Variants in RPTOR observed in about 807,000 individuals in gnomAD.
RPTOR encodes the protein regulatory-associated protein of mTOR.
RPTOR carries 21 observed loss-of-function variants against 169.9 expected under a neutral mutation model. That is an observed-to-expected ratio of 0.12 (90% CI 0.09 to 0.18). RPTOR has a LOEUF of 0.18. Ranked by LOEUF, RPTOR falls within the 10% of genes least tolerant of loss-of-function variation. The pLI is 1.00. For missense variants in RPTOR, 1,133 were observed against 1,855.9 expected (o/e 0.61, Z 7.16); for synonymous variants, 732 against 753.2 (o/e 0.97, Z 0.46).
At chr17:80,740,706 T>C (rs2066474714) in intron 5 of RPTOR, among the ~76,000 whole-genome samples, 1 of 152,028 alleles carries the variant, frequency 6.6e-6, no homozygotes, top group Non-Finnish European at 1.5e-5. Context: ...AACTCTTTCA[T>C]GCGAGAGAAA....
chr17:80,964,262 C>G lies in RPTOR; in HGVS notation c.3940C>G (p.Pro1314Ala). The change falls in exon 34 of 34, where the codon CCT becomes GCT. Residue 1314 changes from proline (P) to alanine (A), a missense_variant and splice_region_variant. Around this residue, in one of 9 missense-constraint regions of RPTOR, gnomAD observed 410 missense variants for 623.7 expected, o/e 0.66. Coordinates refer to ENST00000306801, the MANE Select transcript of RPTOR (RefSeq NM_020761.3). ...GCTCACCCCTTCTCTCTCCTTGCAG[C>G]CTCACCTGGCCGTGGGAAGCAACGA... ...ISCLAFHPHW[P>A]HLAVGSNDYY... The G allele has an allele frequency of 6.2e-7, 1 of 1,606,306 alleles. No individual in the cohort carries two copies. Among genetic ancestry groups the G allele is most frequent in the Non-Finnish European group, 8.5e-7 (1 of 1,179,692 alleles).
chr17:80,841,792 A>G (rs1368326312), intron 10 of RPTOR, among the ~76,000 whole-genome samples: 1 of 128,864 alleles, frequency 7.8e-6, no homozygotes. Flanking sequence ...CTCTCACCGC[A>G]CGGCAGCTCA....
At chr17:80,670,167 C>A (rs1473569351) in intron 3 of RPTOR, among the ~76,000 whole-genome samples, 2 of 152,214 alleles carry the variant, frequency 1.3e-5, no homozygotes, top group East Asian at 1.9e-4. Flanking sequence ...GTTTCTTGTT[C>A]ACTGTAAGGT....
chr17:80,786,333 T>G (rs1309731992), intron 6 of RPTOR, among the ~76,000 whole-genome samples: 9 of 151,600 alleles, frequency 5.9e-5, no homozygotes, highest in East Asian at 1.9e-4. Context: ...TACATGTGGG[T>G]TTTTTTTTAA....
At chr17:80,623,544 TA>T (rs773732375) in intron 1 of RPTOR, among the ~76,000 whole-genome samples, 2 of 152,226 alleles carry the variant, frequency 1.3e-5, no homozygotes, top group Admixed American at 6.5e-5. Context: ...TTTTTCTTTT[TA>T]TTTTTTTTGA....
At position 80,823,079 on chromosome 17, in the gene RPTOR, A is replaced by T. The variant is rs2067400089; in HGVS notation, c.992A>T (p.Asp331Val). The T allele has an allele frequency of 5.0e-6, 8 of 1,614,066 alleles. No individual in the cohort carries two copies. The highest frequency in any genetic ancestry group is 5.1e-6 in the Non-Finnish European group (6 of 1,179,984). Residue 331 changes from aspartate (D) to valine (V), a missense_variant and splice_region_variant, in exon 9 of 34, where the codon GAT becomes GTT. Around this residue, in one of 9 missense-constraint regions of RPTOR, gnomAD observed 289 missense variants for 585.8 expected, o/e 0.49. Transcript: ENST00000306801. This position sits in a 1 kb window ranked among gnomAD's most constrained non-coding sequence, Gnocchi z 4.5. ...DTIAWNVLPRDLFQKLFRQDL... is the reference protein window; with the variant it reads ...DTIAWNVLPRVLFQKLFRQDL... ...CTTTTTATCTTTTATCTGCCCTCAG[A>T]TCTCTTCCAAAAGCTCTTCAGACAG...
chr17:80,617,296 G>T (rs1473615327), intron 1 of RPTOR, among the ~76,000 whole-genome samples: 2 of 152,172 alleles, frequency 1.3e-5, no homozygotes, highest in Non-Finnish European at 2.9e-5. Context: ...GTTTGAGCAT[G>T]TCCTGTGCCA....
chr17:80,705,801 C>T (rs1555609639), intron 3 of RPTOR, among the ~76,000 whole-genome samples: 1 of 152,132 alleles, frequency 6.6e-6, no homozygotes, highest in Non-Finnish European at 1.5e-5. Flanking sequence ...CTCCGAAATG[C>T]TGGGATTCCA....
chr17:80,713,412 T>C (rs2066212931), intron 4 of RPTOR, among the ~76,000 whole-genome samples: 1 of 152,340 alleles, frequency 6.6e-6, no homozygotes, highest in South Asian at 2.1e-4. Flanking sequence ...GCTGCTTGTT[T>C]TCTTTTCCTA....
chr17:80,753,179 C>T (rs527645831), intron 5 of RPTOR, among the ~76,000 whole-genome samples: 1 of 152,296 alleles, frequency 6.6e-6, no homozygotes, highest in Non-Finnish European at 1.5e-5. Context: ...TGAGTGCTCG[C>T]TCTGTCTGTT....
chr17:80,740,911 T>C (rs569219460), intron 5 of RPTOR, among the ~76,000 whole-genome samples: 1 of 152,350 alleles, frequency 6.6e-6, no homozygotes, highest in African/African-American at 2.4e-5. Flanking sequence ...CTGGAAGTTC[T>C]AGCCAGTGCA....
intron 4 of RPTOR, among the ~76,000 whole-genome samples, chr17:80,711,016 A>G (rs772159826): frequency 6.6e-6 from 1 of 152,178 alleles, no homozygotes; most frequent in African/African-American, 2.4e-5. Flanking sequence ...TGACTTACTG[A>G]TCTAGCTTCT....
chr17:80,840,376 CGGCAGCTCACTCTCACTGCAT>C (rs1166678164), intron 10 of RPTOR, among the ~76,000 whole-genome samples: 7 of 145,900 alleles, frequency 4.8e-5, no homozygotes, highest in East Asian at 4.1e-4. Context: ...TCTCACCACA[CGGCAGCTCACTCTCACTGCAT>C]GGCAGCTCAC....
In RPTOR at chr17:80,629,579, A is replaced by G. The variant is rs76082301; in HGVS notation, c.265+3786A>G. Among the ~76,000 whole-genome samples, 286 of 98,716 alleles carry G rather than the reference A, an allele frequency of 2.9e-3. 1 individual carries two copies. The highest frequency in any genetic ancestry group is 7.2e-3 in the African/African-American group (190 of 26,296). The allele number at this position is 98,716 out of a possible 152,430, so 64.8% of individuals were successfully genotyped here. ...TTGGACATTGTACTGCAGCTCTTCC[A>G]TGTGTTTCTCTCTTCTGGGACTCAG... On this transcript the variant is annotated intron_variant, in intron 2 of 33. Coordinates refer to ENST00000306801, the MANE Select transcript of RPTOR (RefSeq NM_020761.3).
At chr17:80,893,896 G>C in intron 20 of RPTOR, 31 bp downstream of exon 20, 2 of 1,505,122 alleles carry the variant, frequency 1.3e-6, no homozygotes, top group Non-Finnish European at 1.8e-6. Flanking sequence ...CTGCTTCCGA[G>C]GGGCCCCGAG....
chr17:80,717,765 T>G (rs1306106872), intron 4 of RPTOR, among the ~76,000 whole-genome samples: 1 of 152,252 alleles, frequency 6.6e-6, no homozygotes, highest in Non-Finnish European at 1.5e-5. Flanking sequence ...TGTTGCTGGT[T>G]GTTTTCTCAG....
chr17:80,560,091 T>G (rs2084461109), intron 1 of RPTOR, among the ~76,000 whole-genome samples: 2 of 152,152 alleles, frequency 1.3e-5, no homozygotes, highest in Non-Finnish European at 2.9e-5. Flanking sequence ...AAAAACAACA[T>G]CCTTACCCAC....
chr17:80,654,735 CAA>C (rs894756050), intron 3 of RPTOR, among the ~76,000 whole-genome samples: 2 of 152,012 alleles, frequency 1.3e-5, no homozygotes, highest in African/African-American at 4.8e-5. Flanking sequence ...TTTTTATAAA[CAA>C]AAATCTTAGC....
intron 7 of RPTOR, chr17:80,804,844 C>A (rs1187762008): frequency 6.6e-6 from 1 of 152,210 alleles, no homozygotes; most frequent in East Asian, 1.9e-4. Context: ...CATCAAGATG[C>A]CTGGTCTCAA....
Sources: gnomAD v4.1 joint callset for allele counts (sites outside exome capture counted in the v4.1 genomes callset) on GRCh38, gnomAD v4.1.1 for gene constraint, gnomAD v4.1.1 regional missense constraint, Gnocchi (gnomAD v3.1) non-coding constraint, MANE v1.5 for transcripts, NCBI Gene and HGNC (gene_info 2026-07-23, HGNC 2026-07-21) for gene names.